The following PKNOX2 variants were observed in gnomAD, a reference collection of about 807,000 sequenced individuals.
The protein encoded by PKNOX2 is homeobox protein PKNOX2.
In PKNOX2, 14 loss-of-function variants were observed where a neutral mutation model predicts 53.1. The ratio of observed to expected loss-of-function variants is 0.26; its 90% CI spans 0.17 to 0.41. PKNOX2 has a LOEUF of 0.41. Ranked by LOEUF, PKNOX2 falls within the 10% of genes least tolerant of loss-of-function variation. The pLI is 1.00. For synonymous variants in PKNOX2, 257 were observed against 242.8 expected, an observed-to-expected ratio of 1.06 and a Z score of -0.54; for missense variants, 496 against 602.8, an observed-to-expected ratio of 0.82 and a Z score of 1.85.
intron 1 of PKNOX2, among the ~76,000 whole-genome samples, chr11:125,187,442 A>T (rs1037810119): frequency 3.3e-5 from 5 of 152,158 alleles, no homozygotes; most frequent in African/African-American, 1.2e-4. Context: ...TTATTTCTAG[A>T]TTTTAAAAAA....
chr11:125,420,206 CA>C (rs1956099408), intron 10 of PKNOX2, among the ~76,000 whole-genome samples: 1 of 133,492 alleles, frequency 7.5e-6, no homozygotes, highest in African/African-American at 2.8e-5. Flanking sequence ...ACATTTCCCC[CA>C]AAAAAGCTGA....
chr11:125,340,104 C>G (rs1450039718), intron 3 of PKNOX2, among the ~76,000 whole-genome samples: 2 of 152,166 alleles, frequency 1.3e-5, no homozygotes, highest in African/African-American at 4.8e-5. Flanking sequence ...AAATATTTAA[C>G]AAAATGTGTA....
At chr11:125,170,632 C>G (rs374593371) in intron 1 of PKNOX2, among the ~76,000 whole-genome samples, 1 of 152,214 alleles carries the variant, frequency 6.6e-6, no homozygotes, top group Non-Finnish European at 1.5e-5. Flanking sequence ...ACTGCAGGCC[C>G]GGCCTGCCTG....
chr11:125,225,847 A>C (rs1941637807), intron 1 of PKNOX2, among the ~76,000 whole-genome samples: 1 of 152,136 alleles, frequency 6.6e-6, no homozygotes, highest in Admixed American at 6.5e-5. Context: ...CCTGGGGTGC[A>C]CCTCCTGGGT....
chr11:125,270,400 T>C (rs1169268965), intron 2 of PKNOX2, among the ~76,000 whole-genome samples: 3 of 152,136 alleles, frequency 2.0e-5, no homozygotes, highest in African/African-American at 4.8e-5. Flanking sequence ...CTATGTGTCA[T>C]CTCAAGGGCC....
chr11:125,211,537 T>C (rs1006125838), intron 1 of PKNOX2, among the ~76,000 whole-genome samples: 1 of 152,112 alleles, frequency 6.6e-6, no homozygotes, highest in Non-Finnish European at 1.5e-5. Context: ...AGCAGGTCTC[T>C]GGCAGAGAGC....
intron 2 of PKNOX2, among the ~76,000 whole-genome samples, chr11:125,315,303 GAAAAAAAAAAAAA>G (rs534448203): frequency 2.1e-4 from 17 of 79,442 alleles, no homozygotes; most frequent in African/African-American, 5.4e-4. Context: ...TGTGAAGCAG[GAAAAAAAAAAAAA>G]AAAAAAAAAA....
chr11:125,413,785 G>GT (rs1041061608), intron 10 of PKNOX2, among the ~76,000 whole-genome samples: 20 of 151,964 alleles, frequency 1.3e-4, no homozygotes, highest in Admixed American at 3.9e-4. Flanking sequence ...ACCCCCATGC[G>GT]TTTTTGAAGA....
intron 2 of PKNOX2, among the ~76,000 whole-genome samples, chr11:125,300,385 A>T (rs1210699693): frequency 6.6e-6 from 1 of 152,150 alleles, no homozygotes; most frequent in African/African-American, 2.4e-5. Flanking sequence ...CTCTCTAGGG[A>T]TATTAGTATC....
At chr11:125,249,937 T>C (rs573524421) in intron 2 of PKNOX2, among the ~76,000 whole-genome samples, 2 of 152,046 alleles carry the variant, frequency 1.3e-5, no homozygotes, top group East Asian at 3.9e-4. Context: ...TGGTGGCGCA[T>C]GCCTGCAAAC....
chr11:125,267,234 C>T (rs1037026478), intron 2 of PKNOX2, among the ~76,000 whole-genome samples: 1 of 152,172 alleles, frequency 6.6e-6, no homozygotes. Context: ...ACAGTTCTAC[C>T]AAACTCCTCC....
chr11:125,211,231 C>T (rs1939804330), intron 1 of PKNOX2, among the ~76,000 whole-genome samples: 1 of 152,114 alleles, frequency 6.6e-6, no homozygotes, highest in Admixed American at 6.5e-5. Flanking sequence ...CTTCTCACTC[C>T]CAACTGCAGC....
intron 2 of PKNOX2, among the ~76,000 whole-genome samples, chr11:125,329,980 G>C (rs140881811): frequency 3.5e-4 from 53 of 152,320 alleles, no homozygotes; most frequent in African/African-American, 1.2e-3. Context: ...AGGCACTCAC[G>C]GCTGTGTCGG....
At chr11:125,318,851 T>C (rs1949360273) in intron 2 of PKNOX2, among the ~76,000 whole-genome samples, 1 of 152,144 alleles carries the variant, frequency 6.6e-6, no homozygotes, top group Non-Finnish European at 1.5e-5. Context: ...TTTCATGAGA[T>C]CTGATGGTTT....
chr11:125,184,104 A>G (rs1266886231), intron 1 of PKNOX2: 1 of 152,290 alleles, frequency 6.6e-6, no homozygotes, highest in African/African-American at 2.4e-5. Flanking sequence ...GAAACCATGG[A>G]AAGTTTAATG....
At chr11:125,390,498 C>T (rs1483676771) in intron 6 of PKNOX2, among the ~76,000 whole-genome samples, 1 of 152,198 alleles carries the variant, frequency 6.6e-6, no homozygotes, top group Non-Finnish European at 1.5e-5. Context: ...TCTTATTTTC[C>T]AGGTGAGGAA....
chr11:125,307,644 C>T lies in PKNOX2; in HGVS notation c.-129-24175C>T, dbSNP rs571951712. ...TTTATGAAGTGAAATCATAAGTGTT[C>T]GATATGTCCCTTAGGGATCTGCCAC... On this transcript the variant is annotated intron_variant, in intron 2 of 12. Coordinates refer to ENST00000298282, the MANE Select transcript of PKNOX2 (RefSeq NM_001382323.2). Among the ~76,000 whole-genome samples, 6 of 152,306 alleles carry T rather than the reference C, an allele frequency of 3.9e-5. No individual in the cohort carries two copies. The South Asian group carries it at 8.3e-4, about 21-fold the overall frequency.
At chr11:125,173,547 A>G (rs112838212) in intron 1 of PKNOX2, among the ~76,000 whole-genome samples, 3,699 of 152,294 alleles carry the variant, frequency 0.024, 153 homozygotes, top group African/African-American at 0.08. Flanking sequence ...CATCTCCTCC[A>G]TTACTCGAAT....
chr11:125,414,374 A>T (rs540324485), intron 10 of PKNOX2, among the ~76,000 whole-genome samples: 19 of 152,256 alleles, frequency 1.2e-4, no homozygotes, highest in Non-Finnish European at 2.1e-4. Context: ...GCCATTCATG[A>T]CGCGCTTAAC....
Sources: gnomAD v4.1 joint callset for allele counts (sites outside exome capture counted in the v4.1 genomes callset) on GRCh38, gnomAD v4.1.1 for gene constraint, MANE v1.5 for transcripts, NCBI Gene and HGNC (gene_info 2026-07-23, HGNC 2026-07-21) for gene names.